EPB41L3: variants seen among roughly 807,000 people sequenced by gnomAD.
The protein encoded by EPB41L3 is erythrocyte membrane protein band 4.1 like 3, also known as band 4.1-like protein 3.
In EPB41L3, 57 loss-of-function variants were observed where a neutral mutation model predicts 127.1. The observed-to-expected ratio is 0.45, with a 90% CI of 0.36 to 0.56. The LOEUF is 0.56. Among genes scored for constraint, EPB41L3 ranks in the 20% least tolerant of loss-of-function variants. The pLI is 0.00. For missense variants in EPB41L3, 1,273 were observed against 1,372.2 expected (o/e 0.93, Z 1.14); for synonymous variants, 572 against 549.5 (o/e 1.04, Z -0.57).
chr18:5,584,271 T>A (rs566940567), intron 3 of EPB41L3, among the ~76,000 whole-genome samples: 1 of 152,224 alleles, frequency 6.6e-6, no homozygotes, highest in Non-Finnish European at 1.5e-5. Flanking sequence ...CTAGGGCCTA[T>A]GCTGCAGATC....
chr18:5,617,404 C>T (rs1027279330), intron 1 of EPB41L3, among the ~76,000 whole-genome samples: 9 of 151,686 alleles, frequency 5.9e-5, no homozygotes, highest in South Asian at 2.1e-4. Flanking sequence ...CTGCAAGCTC[C>T]GCCTCCCAGG....
At chr18:5,464,614 T>C (rs984536872) in intron 3 of EPB41L3, among the ~76,000 whole-genome samples, 1 of 152,212 alleles carries the variant, frequency 6.6e-6, no homozygotes, top group Admixed American at 6.5e-5. Context: ...TCCCTAGTCA[T>C]TTTTTTAAAA....
At chr18:5,432,289 CTCT>C (rs1385113701) in intron 8 of EPB41L3, among the ~76,000 whole-genome samples, 1 of 152,164 alleles carries the variant, frequency 6.6e-6, no homozygotes, top group Non-Finnish European at 1.5e-5. Context: ...AGCTGAAATT[CTCT>C]TCATTTCCAG....
chr18:5,544,700 C>T (rs2093845755), upstream of EPB41L3, among the ~76,000 whole-genome samples: 1 of 151,948 alleles, frequency 6.6e-6, no homozygotes, highest in South Asian at 2.1e-4. Context: ...TTTATGGGCA[C>T]AAAAAGAATA....
At position 5,415,928 on chromosome 18, in the gene EPB41L3, C is replaced by A. The variant is rs201249884; in HGVS notation, c.1957G>T (p.Ala653Ser). Residue 653 changes from alanine to serine, a missense_variant, in exon 13 of 23, where the codon GCT becomes TCT. Ala to Ser is a moderately conservative substitution (Grantham distance 99, BLOSUM62 1). Around this residue, in one of 3 missense-constraint regions of EPB41L3, gnomAD observed 765 missense variants for 782.9 expected, o/e 0.98. Transcript: ENST00000341928. Reference protein sequence around the residue: ...LLSASFSVPYALTLSFPLALC... With the variant: ...LLSASFSVPYSLTLSFPLALC... ...GCCAGAGGGAAGGAGAGAGTGAGAGCGTATGGCACTGAGAAGGAGGCAGAC... is the reference window on the plus strand; with the variant it reads ...GCCAGAGGGAAGGAGAGAGTGAGAGAGTATGGCACTGAGAAGGAGGCAGAC... The A allele has an allele frequency of 9.9e-6, 16 of 1,613,746 alleles. No homozygotes were observed. In the South Asian group the frequency reaches 1.4e-4, roughly 14 times the overall value.
Position 5,536,649 on chromosome 18 carries a change from C to CA in EPB41L3, c.-12+7263dup, listed in dbSNP as rs34476027. Among the ~76,000 whole-genome samples the CA allele has an allele frequency of 2.9e-3, 387 of 132,886 alleles. 1 individual carries two copies. The highest frequency in any genetic ancestry group is 7.8e-3 in the Middle Eastern group (2 of 258). The allele number at this position is 132,886 out of a possible 152,430, so 87.2% of individuals were successfully genotyped here. ...TAAAACCCCATGTCTACTAAAAATT[C>CA]AAAAAAAAAAAAAATAGCTGGGCAG... On this transcript the variant is annotated intron_variant, in intron 1 of 22. Transcript: ENST00000341928.
intron 3 of EPB41L3, among the ~76,000 whole-genome samples, chr18:5,572,588 T>A (rs548541235): frequency 6.6e-6 from 1 of 152,328 alleles, no homozygotes; most frequent in East Asian, 1.9e-4. Flanking sequence ...GGTTTTGTTT[T>A]TTAGAGACAG....
chr18:5,433,957 G>C lies in EPB41L3; in HGVS notation c.770C>G (p.Pro257Arg), dbSNP rs1468545754. ...SDYISEFRFAPNHTKELEDKV... is the reference protein window; with the variant it reads ...SDYISEFRFARNHTKELEDKV... The stretch of plus-strand genomic sequence containing the variant: ...GTCTTCCAGTTCTTTAGTGTGGTTT[G>C]GTGCAAAGCGGAACTCACTAATGTA... The change falls in exon 7 of 23, where the codon CCA (proline) becomes CGA (arginine). Residue 257 changes from proline (P) to arginine (R), a missense_variant. Coordinates refer to ENST00000341928, the MANE Select transcript of EPB41L3 (RefSeq NM_012307.5). The C allele has an allele frequency of 6.2e-7, 1 of 1,614,122 alleles. No individual in the cohort carries two copies. Among genetic ancestry groups the C allele is most frequent in the Admixed American group, 1.7e-5 (1 of 60,016 alleles).
rs190696586 is a variant in EPB41L3 at position 5,580,797 on chromosome 18, A to G, written c.-306+31543T>C. Among the ~76,000 whole-genome samples, 3 of 152,338 alleles carry G rather than the reference A, an allele frequency of 2.0e-5. No individual in the cohort carries two copies. In the East Asian group the frequency reaches 5.8e-4, roughly 29 times the overall value. ...TTCCTGCTTCGTCTCCCTCCAGCAC[A>G]TATCACATAGAGTAGTCCACGCAAG... On this transcript the variant is annotated intron_variant, in intron 3 of 21. Coordinates refer to the EPB41L3 transcript ENST00000545076.
chr18:5,554,036 C>T (rs1221002240), intron 3 of EPB41L3, among the ~76,000 whole-genome samples: 6 of 152,226 alleles, frequency 3.9e-5, no homozygotes, highest in African/African-American at 1.4e-4. Flanking sequence ...CTAGGAAATA[C>T]TAATGCTCTT....
intron 9 of EPB41L3, 103 bp downstream of exon 9, chr18:5,428,210 C>G: frequency 7.3e-7 from 1 of 1,366,932 alleles, no homozygotes; most frequent in South Asian, 1.3e-5. Flanking sequence ...ATGTCATTCA[C>G]TGTGTCCCAC....
intron 3 of EPB41L3, among the ~76,000 whole-genome samples, chr18:5,558,981 C>T (rs1309026123): frequency 6.6e-6 from 1 of 152,128 alleles, no homozygotes; most frequent in African/African-American, 2.4e-5. Flanking sequence ...GCCAACATTA[C>T]ATAGTGTCTG....
At chr18:5,548,723 A>G (rs987738736), upstream of EPB41L3, among the ~76,000 whole-genome samples, 11 of 145,692 alleles carry the variant, frequency 7.6e-5, no homozygotes, top group South Asian at 8.6e-4. Context: ...TTAAATGTAA[A>G]TGCTCAATGA....
chr18:5,416,236 A>T lies in EPB41L3; in HGVS notation c.1649T>A (p.Leu550Gln). 1 of 1,614,112 alleles carries T rather than the reference A, an allele frequency of 6.2e-7. No individual in the cohort carries two copies. The highest frequency in any genetic ancestry group is 2.2e-5 in the East Asian group (1 of 44,854). Residue 550 changes from leucine (L) to glutamine (Q), a missense_variant, in exon 13 of 23, where the codon CTG becomes CAG. Leu to Gln is a moderately radical substitution (Grantham distance 113). Coordinates refer to ENST00000341928, the MANE Select transcript of EPB41L3 (RefSeq NM_012307.5). ...PGYEPSRAEH[L>Q]PGEPALDSDG... ...AGAGTCCAAGGCGGGCTCTCCAGGCAGGTGCTCAGCTCTGGACGGCTCATA... is the reference window on the plus strand; with the variant it reads ...AGAGTCCAAGGCGGGCTCTCCAGGCTGGTGCTCAGCTCTGGACGGCTCATA...
At position 5,620,563 on chromosome 18, in the gene EPB41L3, T is replaced by A. The variant is rs1415240146; in HGVS notation, c.-467-6140A>T. Among the ~76,000 whole-genome samples, 4 of 152,316 alleles carry A rather than the reference T, an allele frequency of 2.6e-5. No homozygotes were observed. The East Asian group carries it at 7.7e-4, about 29-fold the overall frequency. On this transcript the variant is annotated intron_variant, in intron 1 of 21. Coordinates refer to the EPB41L3 transcript ENST00000545076. ...AAAGGAAGCAAATAATAGCTAAGAA[T>A]AGTACAAATTACTCATCCTTTATAA...
chr18:5,398,379 T>C (rs1408064521), intron 16 of EPB41L3: 3 of 516,582 alleles, frequency 5.8e-6, no homozygotes, highest in African/African-American at 1.9e-5. Flanking sequence ...TTTAAGCAGA[T>C]ATATATATTT....
intron 1 of EPB41L3, among the ~76,000 whole-genome samples, chr18:5,537,020 C>A (rs1439093289): frequency 2.6e-5 from 4 of 152,168 alleles, no homozygotes; most frequent in African/African-American, 9.7e-5. Context: ...TGTATTACAT[C>A]ATTTAATCCT....
chr18:5,424,443 G>T, intron 9 of EPB41L3, 84 bp from the exon 10 acceptor site: 1 of 1,095,138 alleles, frequency 9.1e-7, no homozygotes, highest in Non-Finnish European at 1.3e-6. Flanking sequence ...GAATCATGAT[G>T]CCACCAGAAT....
At chr18:5,557,408 G>C (rs931967668) in intron 3 of EPB41L3, among the ~76,000 whole-genome samples, 2 of 152,092 alleles carry the variant, frequency 1.3e-5, no homozygotes, top group African/African-American at 4.8e-5. Flanking sequence ...TTTTGAGACA[G>C]GGTCTCACTC....
Sources: gnomAD v4.1 joint callset for allele counts (sites outside exome capture counted in the v4.1 genomes callset) on GRCh38, gnomAD v4.1.1 for gene constraint, gnomAD v4.1.1 regional missense constraint, MANE v1.5 for transcripts, NCBI Gene and HGNC (gene_info 2026-07-23, HGNC 2026-07-21) for gene names.